Variants in ZNF676 observed in about 807,000 individuals in gnomAD.
ZNF676 encodes the protein zinc finger protein 676.
A neutral mutation model predicts 6.0 loss-of-function variants in ZNF676; 4 were observed. The observed-to-expected ratio is 0.67, with a 90% CI of 0.33 to 1.53. ZNF676 has a LOEUF of 1.53. ZNF676 is among the 40% of genes most tolerant of loss of function. The pLI is 0.06. For missense variants in ZNF676, 644 were observed against 679.7 expected, an observed-to-expected ratio of 0.95 and a Z score of 0.58; for synonymous variants, 198 against 223.1, an observed-to-expected ratio of 0.89 and a Z score of 1.00.
Position 22,196,699 on chromosome 19 carries a change from T to C in ZNF676, c.-66A>G. 6.2e-7 allele frequency: 1 copy of C among 1,611,632 alleles called. No individual in the cohort carries two copies. Among genetic ancestry groups the C allele is most frequent in the South Asian group, 1.1e-5 (1 of 91,024 alleles). On this transcript the variant is annotated 5_prime_UTR_variant, in exon 1 of 3. Coordinates refer to ENST00000397121, the MANE Select transcript of ZNF676 (RefSeq NM_001001411.3). ...TGCCACTCCTCCAGAGAGAATTCTA[T>C]GGCCACATCCCTAAATGTCAATGCT...
chr19:22,202,953 C>A (rs933626024), intron 1 of ZNF676, among the ~76,000 whole-genome samples: 1 of 152,136 alleles, frequency 6.6e-6, no homozygotes. Flanking sequence ...AGCAATAGCT[C>A]TCTACTCTCT....
At chr19:22,201,600 G>C (rs1416964105), upstream of ZNF676, among the ~76,000 whole-genome samples, 3 of 151,980 alleles carry the variant, frequency 2.0e-5, no homozygotes, top group Non-Finnish European at 4.4e-5. Flanking sequence ...CCTGAAAAAA[G>C]CTGACACAAC....
the ZNF676 span, among the ~76,000 whole-genome samples, chr19:22,235,555 A>C: frequency 2.6e-5 from 4 of 152,142 alleles, no homozygotes; most frequent in African/African-American, 9.7e-5. Context: ...ACCCCTGGAA[A>C]TTTTACTGAG....
At chr19:22,242,953 G>A in the ZNF676 span, among the ~76,000 whole-genome samples, 1 of 151,850 alleles carries the variant, frequency 6.6e-6, no homozygotes, top group South Asian at 2.1e-4. Flanking sequence ...CCATCATCTA[G>A]GTGATGGGCC....
At chr19:22,207,717 C>T (rs375562669) in intron 1 of ZNF676, among the ~76,000 whole-genome samples, 6 of 152,106 alleles carry the variant, frequency 3.9e-5, no homozygotes, top group African/African-American at 1.4e-4. Flanking sequence ...CTACAGTAAA[C>T]AAAGCAACAT....
At chr19:22,213,403 A>T (rs188157194) in intron 1 of ZNF676, among the ~76,000 whole-genome samples, 1 of 152,338 alleles carries the variant, frequency 6.6e-6, no homozygotes, top group Admixed American at 6.5e-5. Context: ...TGTGTCTCCA[A>T]GAAATGGAAG....
chr19:22,180,434 T>C lies in ZNF676; in HGVS notation c.1283A>G (p.Lys428Arg). The change falls in exon 3 of 3, where the codon AAA becomes AGA. Residue 428 changes from lysine to arginine, a missense_variant. Physicochemically the swap from Lys to Arg is conservative, Grantham distance 26 (BLOSUM62 2). Around this residue, in one of 5 missense-constraint regions of ZNF676, gnomAD observed 306 missense variants for 265.4 expected, o/e 1.15. Transcript: ENST00000397121. ...AAGGCTTGAGGACCAGCTGAAGGCTTTGCCACATTCTTCACACTTGTAGGG... is the reference window on the plus strand; with the variant it reads ...AAGGCTTGAGGACCAGCTGAAGGCTCTGCCACATTCTTCACACTTGTAGGG... Reference protein sequence around the residue: ...EKPYKCEECGKAFSWSSSLTE... With the variant: ...EKPYKCEECGRAFSWSSSLTE... 1 of 1,613,162 alleles carries C rather than the reference T, an allele frequency of 6.2e-7. No homozygotes were observed. Among genetic ancestry groups the C allele is most frequent in the Non-Finnish European group, 8.5e-7 (1 of 1,179,818 alleles).
At chr19:22,235,867 GA>G in the ZNF676 span, among the ~76,000 whole-genome samples, 1 of 151,670 alleles carries the variant, frequency 6.6e-6, no homozygotes, top group Non-Finnish European at 1.5e-5. Flanking sequence ...CAGGAACAGA[GA>G]AAAGGGCATT....
intron 1 of ZNF676, among the ~76,000 whole-genome samples, chr19:22,213,007 G>A (rs375853985): frequency 1.3e-4 from 20 of 151,968 alleles, no homozygotes; most frequent in African/African-American, 4.8e-4. Flanking sequence ...AAAAAAAGAA[G>A]AAGAAAAAAA....
At chr19:22,187,706 G>A (rs1374406971) in intron 2 of ZNF676, among the ~76,000 whole-genome samples, 1 of 151,344 alleles carries the variant, frequency 6.6e-6, no homozygotes, top group Non-Finnish European at 1.5e-5. Context: ...TGATTCCACA[G>A]AAATACAAAC....
chr19:22,202,877 T>C (rs1391577121), intron 1 of ZNF676, among the ~76,000 whole-genome samples: 1 of 152,194 alleles, frequency 6.6e-6, no homozygotes, highest in South Asian at 2.1e-4. Context: ...CTGCTGAAGG[T>C]AGGCTTTGAC....
the ZNF676 span, chr19:22,244,497 C>A: frequency 6.6e-6 from 1 of 152,214 alleles, no homozygotes. Context: ...ATATTTGTCA[C>A]AATCCCAACT....
At chr19:22,211,447 CTAAG>C (rs1202595943) in intron 1 of ZNF676, among the ~76,000 whole-genome samples, 2 of 152,076 alleles carry the variant, frequency 1.3e-5, no homozygotes, top group Non-Finnish European at 1.5e-5. Flanking sequence ...GTTTTTGAAA[CTAAG>C]TGTTTGAAAA....
At chr19:22,229,229 T>A in the ZNF676 span, among the ~76,000 whole-genome samples, 1 of 151,994 alleles carries the variant, frequency 6.6e-6, no homozygotes, top group Non-Finnish European at 1.5e-5. Flanking sequence ...TTGACAAACC[T>A]GACAAAAAAC....
In ZNF676 at chr19:22,181,575, G is replaced by A. The variant is rs753032555; in HGVS notation, c.142C>T (p.His48Tyr). Residue 48 changes from histidine to tyrosine, a missense_variant, in exon 3 of 3, where the codon CAT becomes TAT. Physicochemically the swap from His to Tyr is moderately conservative, Grantham distance 83. This residue lies in a region of ZNF676 where 280 missense variants were observed against 269.3 expected (regional missense o/e 1.04). Coordinates refer to ENST00000397121, the MANE Select transcript of ZNF676 (RefSeq NM_001001411.3). ...MVEEPPVICS[H>Y]FSQEFWPEQG... ...TCTGGCCAAAACTCTTGGGAAAAAT[G>A]AGAACATATAACTGAAAAGAAATAA... 214 of 1,564,576 alleles carry A rather than the reference G, an allele frequency of 1.4e-4. No homozygotes were observed. The highest frequency in any genetic ancestry group is 1.8e-4 in the Non-Finnish European group (207 of 1,159,750).
In ZNF676 at chr19:22,179,603, T is replaced by C. The variant is rs1434939911; in HGVS notation, c.*347A>G. On this transcript the variant is annotated 3_prime_UTR_variant, in exon 3 of 3. Coordinates refer to ENST00000397121, the MANE Select transcript of ZNF676 (RefSeq NM_001001411.3). ...AGAACTAATGAAAAGCTTTGCCACG[T>C]TTTTCACATTTGTAGGGCTTTTCCT... is the stretch of plus-strand genomic sequence containing the variant. 4.1e-6 allele frequency: 2 copies of C among 484,524 alleles called. No individual in the cohort carries two copies. The highest frequency in any genetic ancestry group is 7.8e-6 in the Non-Finnish European group (2 of 257,318). The allele number at this position is 484,524 out of a possible 1,614,324, so 30.0% of individuals were successfully genotyped here. A position where few individuals can be genotyped will look rare whatever the true frequency, so the allele number is the denominator to read the frequency against.
chr19:22,193,413 T>C (rs1221306404), intron 1 of ZNF676, among the ~76,000 whole-genome samples: 3 of 152,082 alleles, frequency 2.0e-5, no homozygotes, highest in African/African-American at 4.8e-5. Flanking sequence ...AGGAGATGGA[T>C]TGAAATGGGT....
At chr19:22,222,423 G>T in the ZNF676 span, among the ~76,000 whole-genome samples, 1 of 151,832 alleles carries the variant, frequency 6.6e-6, no homozygotes, top group African/African-American at 2.4e-5. Flanking sequence ...TACTGTTTAT[G>T]TTTTTTTTAA....
chr19:22,240,098 G>T, the ZNF676 span, among the ~76,000 whole-genome samples: 1 of 152,122 alleles, frequency 6.6e-6, no homozygotes, highest in East Asian at 1.9e-4. Context: ...ATAAATGCTG[G>T]GCCTGGCCAT....
Sources: gnomAD v4.1 joint callset for allele counts (sites outside exome capture counted in the v4.1 genomes callset) on GRCh38, gnomAD v4.1.1 for gene constraint, gnomAD v4.1.1 regional missense constraint, MANE v1.5 for transcripts, NCBI Gene and HGNC (gene_info 2026-07-23, HGNC 2026-07-21) for gene names.